The following MYNN variants were observed in gnomAD, a reference collection of about 807,000 sequenced individuals.
The protein encoded by MYNN is zinc finger and BTB domain-containing protein 31.
In MYNN, 22 loss-of-function variants were observed where a neutral mutation model predicts 57.2. That is an observed-to-expected ratio of 0.38 (90% CI 0.27 to 0.55). MYNN has a LOEUF of 0.55. Ranked by LOEUF, MYNN falls within the 20% of genes least tolerant of loss-of-function variation. The pLI, the probability that MYNN is intolerant of heterozygous loss-of-function variation, is 0.71. For missense variants in MYNN, 566 were observed against 723.1 expected, an observed-to-expected ratio of 0.78 and a Z score of 2.49; for synonymous variants, 241 against 257.1, an observed-to-expected ratio of 0.94 and a Z score of 0.60.
At chr3:169,774,137 A>G (rs1577391485) in intron 1 of MYNN, 128 bp from the exon 2 acceptor site, 4 of 667,060 alleles carry the variant, frequency 6.0e-6, no homozygotes, top group Non-Finnish European at 1.0e-5. Context: ...TTCATTCTTA[A>G]CCATGTATGT....
chr3:169,775,213 A>T lies in MYNN; in HGVS notation c.266+652A>T, dbSNP rs948404377. Among the ~76,000 whole-genome samples, 7 of 152,302 alleles carry T rather than the reference A, an allele frequency of 4.6e-5. No homozygotes were observed. The East Asian group carries it at 1.3e-3, about 29-fold the overall frequency. On this transcript the variant is annotated intron_variant, in intron 2 of 7. Coordinates refer to ENST00000349841, the MANE Select transcript of MYNN (RefSeq NM_018657.5). ...AGAGATGCTAGAATGATTCTCTAAG[A>T]TGCTTACTGATGTCACTGCATTAAC...
Position 169,782,664 on chromosome 3 carries a change from C to T in MYNN, c.1399+21C>T. 5.0e-6 allele frequency: 8 copies of T among 1,599,474 alleles called. No individual in the cohort carries two copies. The highest frequency in any genetic ancestry group is 6.8e-6 in the Non-Finnish European group (8 of 1,173,900). Reference sequence around the variant, plus strand: ...TACAGGTAAGTTTGACAGGGAGAGACTGCTTAAAATAAAGTTATAAATAAA... The same window carrying T: ...TACAGGTAAGTTTGACAGGGAGAGATTGCTTAAAATAAAGTTATAAATAAA... On this transcript the variant is annotated intron_variant, in intron 5 of 7. Transcript: ENST00000349841. This position sits in a 1 kb window ranked among gnomAD's most constrained non-coding sequence, Gnocchi z 4.8.
chr3:169,774,602 G>A lies in MYNN; in HGVS notation c.266+41G>A, dbSNP rs749440250. ...TATTTTCAGTTATAAAAGCTAGTCAGTAGTCTTCACAGCAAAAGTAGATTT... is the reference window on the plus strand; with the variant it reads ...TATTTTCAGTTATAAAAGCTAGTCAATAGTCTTCACAGCAAAAGTAGATTT... On this transcript the variant is annotated intron_variant, in intron 2 of 7. Transcript: ENST00000349841. 8.4e-6 allele frequency: 13 copies of A among 1,555,272 alleles called. No individual in the cohort carries two copies. The East Asian group carries it at 2.9e-4, about 35-fold the overall frequency.
intron 6 of MYNN, 51 bp downstream of exon 6, chr3:169,783,611 T>C (rs778993131): frequency 7.7e-7 from 1 of 1,303,990 alleles, no homozygotes; most frequent in Non-Finnish European, 1.1e-6. Context: ...TAATTTCTTT[T>C]TATGTAAACC....
At chr3:169,773,693 C>T (rs1019415050) in intron 1 of MYNN, among the ~76,000 whole-genome samples, 5 of 152,186 alleles carry the variant, frequency 3.3e-5, no homozygotes, top group Non-Finnish European at 7.3e-5. Context: ...TTGGTTGTCA[C>T]TCTCGGATGC....
chr3:169,782,443 ATTTAAC>A lies in MYNN; in HGVS notation c.1221-17_1221-12del, dbSNP rs770064990. 3 of 1,587,906 alleles carry A rather than the reference ATTTAAC, an allele frequency of 1.9e-6. No individual in the cohort carries two copies. The highest frequency in any genetic ancestry group is 2.6e-6 in the Non-Finnish European group (3 of 1,167,588). On this transcript the variant is annotated splice_polypyrimidine_tract_variant and intron_variant, in intron 4 of 7. Transcript: ENST00000349841. This position sits in a 1 kb window ranked among gnomAD's most constrained non-coding sequence, Gnocchi z 4.8. ...GACTGACCTCCAAATTGTTTTACTT[ATTTAAC>A]TTTATTTACTAACAGGAAGCATAGT...
rs770213368 is a variant in MYNN, at chr3:169,786,630, G to A, written c.1785G>A (p.Val595=). 4.3e-6 allele frequency: 7 copies of A among 1,613,476 alleles called. No individual in the cohort carries two copies. The Admixed American group carries it at 1.2e-4, about 27-fold the overall frequency. Residue 595 remains valine (V), a synonymous_variant, in exon 8 of 8, where the codon GTG becomes GTA. Coordinates refer to ENST00000349841, the MANE Select transcript of MYNN (RefSeq NM_018657.5). Reference sequence around the variant, plus strand: ...CAGATACATTGTTGAGGTCAACTGTGAATGGGTATTCAGAACCACAGTTGA... The same window carrying A: ...CAGATACATTGTTGAGGTCAACTGTAAATGGGTATTCAGAACCACAGTTGA... ...PTSDTLLRST[V]NGYSEPQLIF...
In MYNN at chr3:169,780,711, A is replaced by G. The variant is rs866125549; in HGVS notation, c.1182A>G (p.Leu394=). ...EKPYKCDVCN[L]QFATSSNLKI... ...CCTATAAATGTGATGTATGCAACTTACAGTTTGCAACTTCTAGCAATCTCA... is the reference window on the plus strand; with the variant it reads ...CCTATAAATGTGATGTATGCAACTTGCAGTTTGCAACTTCTAGCAATCTCA... The change falls in exon 4 of 8, where the codon TTA becomes TTG. Residue 394 remains leucine (L), a synonymous_variant. Transcript: ENST00000349841. 6.2e-7 allele frequency: 1 copy of G among 1,605,166 alleles called. No homozygotes were observed. Among genetic ancestry groups the G allele is most frequent in the African/African-American group, 1.3e-5 (1 of 74,540 alleles).
Position 169,782,084 on chromosome 3 carries a change from GA to G in MYNN, c.1221-379del, listed in dbSNP as rs1409130366. 6.6e-6 allele frequency among the ~76,000 whole-genome samples: 1 copy of G among 152,136 alleles called. No homozygotes were observed. The highest frequency in any genetic ancestry group is 1.5e-5 in the Non-Finnish European group (1 of 68,014). On this transcript the variant is annotated intron_variant, in intron 4 of 7. Coordinates refer to ENST00000349841, the MANE Select transcript of MYNN (RefSeq NM_018657.5). The surrounding 1 kb of genome is among the most constrained non-coding windows in gnomAD (Gnocchi z 4.8). ...ATGAACTGTCACCCTCATGTCATAT[GA>G]ATTTTTCTCAGTGAAATAGGAAGCA...
At chr3:169,778,220 A>T (rs1448722889) in intron 2 of MYNN, 1 of 153,168 alleles carries the variant, frequency 6.5e-6, no homozygotes, top group East Asian at 1.9e-4. Flanking sequence ...CAAAACAGAA[A>T]AAAAATGCAG....
chr3:169,786,402 T>G lies in MYNN; in HGVS notation c.1571-14T>G, dbSNP rs184355458. 1 of 1,597,892 alleles carries G rather than the reference T, an allele frequency of 6.3e-7. No individual in the cohort carries two copies. Among genetic ancestry groups the G allele is most frequent in the African/African-American group, 1.4e-5 (1 of 73,994 alleles). On this transcript the variant is annotated splice_polypyrimidine_tract_variant and intron_variant, in intron 7 of 7. Coordinates refer to ENST00000349841, the MANE Select transcript of MYNN (RefSeq NM_018657.5). ...TTTAAAGATAATGTAGATTTTTTTT[T>G]CCTTCCATTCTAGGTGCAGATAAAA...
At position 169,783,537 on chromosome 3, in the gene MYNN, A is replaced by G. The variant is rs751180330; in HGVS notation, c.1460A>G (p.Asn487Ser). The G allele has an allele frequency of 2.2e-5, 36 of 1,611,320 alleles. No homozygotes were observed. The highest frequency in any genetic ancestry group is 6.7e-5 in the African/African-American group (5 of 74,856). The change falls in exon 6 of 8, where the codon AAC (asparagine) becomes AGC (serine). Residue 487 changes from asparagine (N) to serine (S), a missense_variant. By Grantham distance (46) the Asn-to-Ser change is conservative. Transcript: ENST00000349841. ...GKSFISSGEL[N>S]KHFRSHTGER... ...AGTTTTATTTCCTCAGGAGAGCTCAACAAACACTTTCGGTCCCATACAGGT... is the reference window on the plus strand; with the variant it reads ...AGTTTTATTTCCTCAGGAGAGCTCAGCAAACACTTTCGGTCCCATACAGGT...
Position 169,779,456 on chromosome 3 carries a change from A to C in MYNN, c.955A>C (p.Arg319=), listed in dbSNP as rs562499628. ...GTTTTCAGAAGCCAGCAGTTTGAGA[A>C]GGCACATGAGAATACATAAAGGAGT... The part of the protein sequence containing the change: ...KVFSEASSLR[R]HMRIHKGVKP... Residue 319 remains arginine, a synonymous_variant, in exon 3 of 8, where the codon AGG becomes CGG. Transcript: ENST00000349841. 3 of 1,614,100 alleles carry C rather than the reference A, an allele frequency of 1.9e-6. No homozygotes were observed. The highest frequency in any genetic ancestry group is 2.5e-6 in the Non-Finnish European group (3 of 1,180,056).
chr3:169,775,275 CTG>C (rs1244588543), intron 2 of MYNN, among the ~76,000 whole-genome samples: 1 of 152,156 alleles, frequency 6.6e-6, no homozygotes, highest in African/African-American at 2.4e-5. Flanking sequence ...AATGTAGGCA[CTG>C]TGTGTCTCCC....
chr3:169,789,386 T>TTTA lies in MYNN; in HGVS notation c.*2708_*2709insTTA, dbSNP rs1778760747. 3 of 152,222 alleles carry TTTA rather than the reference T, an allele frequency of 2.0e-5. No individual in the cohort carries two copies. In the South Asian group the frequency reaches 6.2e-4, roughly 31 times the overall value. The allele number at this position is 152,222 out of a possible 1,614,324, so 9.4% of individuals were successfully genotyped here. On this transcript the variant is annotated 3_prime_UTR_variant, in exon 8 of 8. Coordinates refer to ENST00000349841, the MANE Select transcript of MYNN (RefSeq NM_018657.5). ...CTAAATAGTTCTAACATTTAATGCA[T>TTTA]ATCAGAAACATGCTTAAGAAATAAC...
At chr3:169,776,058 G>A (rs1320392596) in intron 2 of MYNN, among the ~76,000 whole-genome samples, 1 of 152,176 alleles carries the variant, frequency 6.6e-6, no homozygotes, top group Non-Finnish European at 1.5e-5. Flanking sequence ...AAAGAGCAGT[G>A]TGAATTTTGG....
rs2108211609 is a variant in MYNN, at chr3:169,786,740, A to G, written c.*62A>G. On this transcript the variant is annotated 3_prime_UTR_variant, in exon 8 of 8. Transcript: ENST00000349841. ...GTAGCAAACATCTCTGGTAAGGTGC[A>G]TATATTCATATTAAATTCCCATTCA... The G allele has an allele frequency of 6.8e-7, 1 of 1,470,144 alleles. No homozygotes were observed. The highest frequency in any genetic ancestry group is 9.3e-7 in the Non-Finnish European group (1 of 1,078,152). The allele number at this position is 1,470,144 out of a possible 1,614,324, so 91.1% of individuals were successfully genotyped here.
intron 3 of MYNN, chr3:169,780,371 T>G (rs1778475900): frequency 5.0e-6 from 2 of 398,314 alleles, no homozygotes; most frequent in African/African-American, 4.2e-5. Context: ...GATTCGTACT[T>G]TTTAAAATGC....
Position 169,786,905 on chromosome 3 carries a change from A to G in MYNN, c.*227A>G, listed in dbSNP as rs1027428924. On this transcript the variant is annotated 3_prime_UTR_variant, in exon 8 of 8. Coordinates refer to ENST00000349841, the MANE Select transcript of MYNN (RefSeq NM_018657.5). ...TTTAAGTAATGAATTATGTAGCACT[A>G]TTTTGGGTGGATGAGTTTTATTTTC... 4 of 435,692 alleles carry G rather than the reference A, an allele frequency of 9.2e-6. No homozygotes were observed. The highest frequency in any genetic ancestry group is 3.7e-5 in the Admixed American group (1 of 26,894). 27.0% of individuals were successfully genotyped at this position (435,692 alleles called of 1,614,324 possible). A position where few individuals can be genotyped will look rare whatever the true frequency, so the allele number is the denominator to read the frequency against.
Sources: gnomAD v4.1 joint callset for allele counts (sites outside exome capture counted in the v4.1 genomes callset) on GRCh38, gnomAD v4.1.1 for gene constraint, Gnocchi (gnomAD v3.1) non-coding constraint, MANE v1.5 for transcripts, NCBI Gene and HGNC (gene_info 2026-07-23, HGNC 2026-07-21) for gene names.